The following PCSK2 variants were observed in gnomAD, a reference collection of about 807,000 sequenced individuals.
PCSK2 encodes proprotein convertase subtilisin/kexin type 2.
In PCSK2, 14 loss-of-function variants were observed where a neutral mutation model predicts 69.7. That is an observed-to-expected ratio of 0.20 (90% CI 0.13 to 0.31). PCSK2 has a LOEUF of 0.31. Ranked by LOEUF, PCSK2 falls within the 10% of genes least tolerant of loss-of-function variation. The probability of loss-of-function intolerance (pLI) is 1.00; values close to 1 mark genes in which losing one functional copy is unlikely to be tolerated. For synonymous variants in PCSK2, 307 were observed against 320.7 expected (o/e 0.96, Z 0.46); for missense variants, 544 against 842.5 (o/e 0.65, Z 4.39).
intron 10 of PCSK2, among the ~76,000 whole-genome samples, chr20:17,460,857 T>A (rs1352062842): frequency 6.6e-6 from 1 of 152,246 alleles, no homozygotes; most frequent in Non-Finnish European, 1.5e-5. Flanking sequence ...TTATTCAGTG[T>A]CCAGCACTGT....
chr20:17,428,174 T>C (rs1337884849), intron 6 of PCSK2, among the ~76,000 whole-genome samples: 1 of 152,210 alleles, frequency 6.6e-6, no homozygotes, highest in Admixed American at 6.5e-5. Flanking sequence ...ACTTATTTAA[T>C]ATCTTTACTT....
chr20:17,301,001 T>C (rs1204413863), intron 2 of PCSK2, among the ~76,000 whole-genome samples: 1 of 152,108 alleles, frequency 6.6e-6, no homozygotes, highest in Admixed American at 6.6e-5. Context: ...ATAAAAAGGA[T>C]GAAAAGAAAC....
intron 2 of PCSK2, among the ~76,000 whole-genome samples, chr20:17,321,183 G>A (rs1029781591): frequency 1.3e-5 from 2 of 152,176 alleles, no homozygotes; most frequent in Non-Finnish European, 2.9e-5. Context: ...AGCAATATTA[G>A]TTAGATCTGG....
intron 7 of PCSK2, among the ~76,000 whole-genome samples, chr20:17,433,366 C>A (rs2032406752): frequency 6.6e-6 from 1 of 152,166 alleles, no homozygotes; most frequent in Admixed American, 6.5e-5. Flanking sequence ...GTTTTCAGAA[C>A]CTAAAACCTG....
chr20:17,368,771 C>G (rs1465626993), intron 4 of PCSK2, among the ~76,000 whole-genome samples: 1 of 152,224 alleles, frequency 6.6e-6, no homozygotes, highest in African/African-American at 2.4e-5. Flanking sequence ...CAACACCTCA[C>G]TGGAAACCAT....
intron 5 of PCSK2, among the ~76,000 whole-genome samples, chr20:17,392,114 T>G (rs940588762): frequency 9.2e-5 from 14 of 152,192 alleles, no homozygotes; most frequent in African/African-American, 3.4e-4. Flanking sequence ...AGTTAGGCTA[T>G]ATCCCCCAAG....
chr20:17,366,663 T>G (rs1472214553), intron 4 of PCSK2, among the ~76,000 whole-genome samples: 1 of 152,250 alleles, frequency 6.6e-6, no homozygotes, highest in Non-Finnish European at 1.5e-5. Context: ...CTATTTTCCA[T>G]TCTTCAGTCC....
chr20:17,388,817 G>A (rs187732615), intron 5 of PCSK2, among the ~76,000 whole-genome samples: 7 of 152,064 alleles, frequency 4.6e-5, no homozygotes, highest in African/African-American at 9.7e-5. Flanking sequence ...CGGATTTTTC[G>A]CACATCATGG....
chr20:17,431,712 T>C (rs2032370559), intron 7 of PCSK2, among the ~76,000 whole-genome samples: 1 of 152,188 alleles, frequency 6.6e-6, no homozygotes, highest in South Asian at 2.1e-4. Context: ...GTCCTCTGGC[T>C]CCCTGGGGCG....
At chr20:17,440,686 C>A (rs1568651417) in intron 8 of PCSK2, among the ~76,000 whole-genome samples, 1 of 152,030 alleles carries the variant, frequency 6.6e-6, no homozygotes, top group Non-Finnish European at 1.5e-5. Flanking sequence ...AATGGTGAAA[C>A]CCCGTCTCTA....
chr20:17,383,534 G>A (rs2031147510), intron 5 of PCSK2, among the ~76,000 whole-genome samples: 1 of 152,038 alleles, frequency 6.6e-6, no homozygotes. Context: ...ATTCATTTGT[G>A]TTATATGCAA....
intron 6 of PCSK2, among the ~76,000 whole-genome samples, chr20:17,423,708 A>AT (rs2032184460): frequency 1.3e-5 from 2 of 152,226 alleles, no homozygotes; most frequent in Admixed American, 1.3e-4. Flanking sequence ...CGTGCAGCAA[A>AT]TTTTATGGAA....
intron 11 of PCSK2, chr20:17,479,084 G>A (rs1027535602): frequency 7.8e-7 from 1 of 1,284,090 alleles, no homozygotes. Flanking sequence ...TTTTTAGTCA[G>A]TTAAAGAACA....
intron 2 of PCSK2, among the ~76,000 whole-genome samples, chr20:17,288,989 A>G (rs1475963939): frequency 1.3e-5 from 2 of 152,194 alleles, no homozygotes; most frequent in Non-Finnish European, 2.9e-5. Context: ...CAGTACTATT[A>G]ATAGATTATA....
chr20:17,354,326 AG>A (rs1467507762), intron 2 of PCSK2, among the ~76,000 whole-genome samples: 13 of 152,210 alleles, frequency 8.5e-5, no homozygotes, highest in African/African-American at 3.1e-4. Flanking sequence ...TTTTCTGAGA[AG>A]GGGAATAATT....
At chr20:17,372,385 TAATAAATAAATAAATAAATA>T (rs58399065) in intron 5 of PCSK2, among the ~76,000 whole-genome samples, 7 of 141,938 alleles carry the variant, frequency 4.9e-5, no homozygotes, top group Middle Eastern at 3.7e-3. Flanking sequence ...TCTTGAAAAA[TAATAAATAAATAAATAAATA>T]AATAAATAAA....
rs2032320014 is a variant in PCSK2, at chr20:17,429,469, G to A, written c.655G>A (p.Ala219Thr). The A allele has an allele frequency of 1.9e-6, 3 of 1,613,770 alleles. No homozygotes were observed. The highest frequency in any genetic ancestry group is 8.5e-7 in the Non-Finnish European group (1 of 1,179,896). Reference sequence around the variant, plus strand: ...CCGATGTGCAGGAGAAGTTTCTGCTGCCGCCAACAACAATATCTGTGGAGT... The same window carrying A: ...CCGATGTGCAGGAGAAGTTTCTGCTACCGCCAACAACAATATCTGTGGAGT... ...GTRCAGEVSA[A>T]ANNNICGVGV... Residue 219 changes from alanine (A) to threonine (T), a missense_variant, in exon 7 of 12, where the codon GCC (alanine) becomes ACC (threonine). By Grantham distance (58) the Ala-to-Thr change is moderately conservative. Around this residue, in one of 3 missense-constraint regions of PCSK2, gnomAD observed 187 missense variants for 399.8 expected, o/e 0.47. Coordinates refer to ENST00000262545, the MANE Select transcript of PCSK2 (RefSeq NM_002594.5).
intron 11 of PCSK2, among the ~76,000 whole-genome samples, chr20:17,475,329 G>GC (rs1197570032): frequency 6.6e-6 from 1 of 151,732 alleles, no homozygotes; most frequent in Non-Finnish European, 1.5e-5. Context: ...GTGGTGCACA[G>GC]CCCAGGGAAG....
chr20:17,311,100 G>C (rs1484799768), intron 2 of PCSK2, among the ~76,000 whole-genome samples: 1 of 151,684 alleles, frequency 6.6e-6, no homozygotes, highest in Non-Finnish European at 1.5e-5. Flanking sequence ...TCAACAACTA[G>C]AGTAGTTTGA....
Sources: gnomAD v4.1 joint callset for allele counts (sites outside exome capture counted in the v4.1 genomes callset) on GRCh38, gnomAD v4.1.1 for gene constraint, gnomAD v4.1.1 regional missense constraint, MANE v1.5 for transcripts, NCBI Gene and HGNC (gene_info 2026-07-23, HGNC 2026-07-21) for gene names.